CPN1: variants seen among roughly 807,000 people sequenced by gnomAD.
The protein encoded by CPN1 is carboxypeptidase N subunit 1.
CPN1 carries 37 observed loss-of-function variants against 46.4 expected under a neutral mutation model. The observed-to-expected ratio is 0.80, with a 90% CI of 0.61 to 1.05. CPN1 has a LOEUF of 1.05. CPN1 is among the 50% of genes least tolerant of loss of function. The pLI is 0.00. For synonymous variants in CPN1, 224 were observed against 235.4 expected (o/e 0.95, Z 0.44); for missense variants, 563 against 602.6 (o/e 0.93, Z 0.69).
chr10:100,057,911 G>A (rs904372822), intron 5 of CPN1, among the ~76,000 whole-genome samples: 21 of 152,202 alleles, frequency 1.4e-4, no homozygotes, highest in African/African-American at 4.1e-4. Context: ...GAACTCTGGC[G>A]AGGGCTAATC....
At chr10:100,062,370 CA>C (rs976067826) in intron 5 of CPN1, among the ~76,000 whole-genome samples, 1 of 152,128 alleles carries the variant, frequency 6.6e-6, no homozygotes. Context: ...ATGTCCATGG[CA>C]AACCCCTGCT....
chr10:100,057,208 C>T (rs1245118414), intron 5 of CPN1, 56 bp from the exon 6 acceptor site: 25 of 1,577,002 alleles, frequency 1.6e-5, no homozygotes, highest in Non-Finnish European at 1.8e-5. Context: ...CCCAATGCCC[C>T]ATCTCATCTC....
chr10:100,078,510 A>C (rs7906355), intron 1 of CPN1, among the ~76,000 whole-genome samples: 56,494 of 152,100 alleles, frequency 0.37, 10,688 homozygotes, highest in Non-Finnish European at 0.41. Context: ...AAAGTCTATT[A>C]TCCAGAGTCA....
intron 2 of CPN1, among the ~76,000 whole-genome samples, chr10:100,073,878 G>C (rs2041499666): frequency 6.6e-6 from 1 of 152,168 alleles, no homozygotes; most frequent in South Asian, 2.1e-4. Context: ...GCCTCCCAAA[G>C]TGCTGGGATT....
At chr10:100,058,544 G>T (rs1279777092) in intron 5 of CPN1, among the ~76,000 whole-genome samples, 1 of 151,958 alleles carries the variant, frequency 6.6e-6, no homozygotes, top group Non-Finnish European at 1.5e-5. Flanking sequence ...TATTAGGATG[G>T]TTATTTACAT....
At chr10:100,049,251 C>T (rs1302863329) in intron 7 of CPN1, among the ~76,000 whole-genome samples, 4 of 147,692 alleles carry the variant, frequency 2.7e-5, no homozygotes, top group African/African-American at 7.8e-5. Context: ...GCCGCTGAGC[C>T]CGTTGGCTTT....
chr10:100,042,408 T>G lies in CPN1; in HGVS notation c.*19A>C. The G allele has an allele frequency of 5.0e-6, 8 of 1,612,486 alleles. No homozygotes were observed. Among genetic ancestry groups the G allele is most frequent in the Non-Finnish European group, 6.8e-6 (8 of 1,179,894 alleles). Reference sequence around the variant, plus strand: ...GCAGGAGCAAAGCCTTTCTGAAGGGTTGCCTGGCACTGTGGGTTTCAGGCA... The same window carrying G: ...GCAGGAGCAAAGCCTTTCTGAAGGGGTGCCTGGCACTGTGGGTTTCAGGCA... On this transcript the variant is annotated 3_prime_UTR_variant, in exon 9 of 9. Coordinates refer to ENST00000370418, the MANE Select transcript of CPN1 (RefSeq NM_001308.3).
intron 5 of CPN1, among the ~76,000 whole-genome samples, chr10:100,059,716 T>G (rs1244270377): frequency 3.9e-5 from 6 of 152,130 alleles, no homozygotes. Flanking sequence ...AACTACCTTA[T>G]GTCCAACAGT....
intron 6 of CPN1, among the ~76,000 whole-genome samples, 194 bp downstream of exon 6, chr10:100,056,819 C>T (rs988831827): frequency 1.3e-5 from 2 of 151,776 alleles, no homozygotes; most frequent in Non-Finnish European, 1.5e-5. Flanking sequence ...CCCACACTGC[C>T]GGGATTACAG....
At chr10:100,051,504 G>A (rs17112509) in intron 7 of CPN1, among the ~76,000 whole-genome samples, 7,882 of 152,078 alleles carry the variant, frequency 0.052, 229 homozygotes, top group Admixed American at 0.061. Context: ...GTTTACAATG[G>A]GTTTTTTCCC....
At chr10:100,078,494 C>T (rs556605503) in intron 1 of CPN1, among the ~76,000 whole-genome samples, 1 of 152,278 alleles carries the variant, frequency 6.6e-6, no homozygotes, top group South Asian at 2.1e-4. Flanking sequence ...GCTGCCTAGC[C>T]CCTTTAAAGT....
rs1156292024 is a variant in CPN1 at position 100,079,033 on chromosome 10, A to G, written c.223+2370T>C. On this transcript the variant is annotated intron_variant, in intron 1 of 8. Transcript: ENST00000370418. ...TCATCTTTTCCTCCTCAATATCAGC[A>G]CGGCATGTGCCATCACACCCATCCT... Among the ~76,000 whole-genome samples the G allele has an allele frequency of 6.6e-5, 10 of 152,186 alleles. No homozygotes were observed. In the South Asian group the frequency reaches 2.1e-3, roughly 32 times the overall value.
chr10:100,046,526 A>G (rs1460092972), intron 8 of CPN1, among the ~76,000 whole-genome samples: 2 of 152,186 alleles, frequency 1.3e-5, no homozygotes, highest in Non-Finnish European at 2.9e-5. Context: ...TAATCTCAGC[A>G]CTTTGGGAGG....
intron 6 of CPN1, among the ~76,000 whole-genome samples, chr10:100,056,037 T>C (rs1471370907): frequency 1.3e-5 from 2 of 152,218 alleles, no homozygotes; most frequent in African/African-American, 4.8e-5. Flanking sequence ...CTGGAGCACA[T>C]AGGAATTCTA....
At chr10:100,049,623 T>G (rs934746297) in intron 7 of CPN1, among the ~76,000 whole-genome samples, 1 of 151,786 alleles carries the variant, frequency 6.6e-6, no homozygotes, top group Admixed American at 6.6e-5. Flanking sequence ...CCCAGGCTGG[T>G]CTCAAACTCC....
At position 100,053,725 on chromosome 10, in the gene CPN1, C is replaced by CA. The variant is rs11336201; in HGVS notation, c.1111+621dup. 1.1e-3 allele frequency among the ~76,000 whole-genome samples: 169 copies of CA among 149,614 alleles called. No homozygotes were observed. The South Asian group carries it at 0.013, about 11-fold the overall frequency. Reference sequence around the variant, plus strand: ...GTTATGCATTAAAAGCAAAATAAAACAAAAAAAAAATCCTACAAGTTGTGC... The same window carrying CA: ...GTTATGCATTAAAAGCAAAATAAAACAAAAAAAAAAATCCTACAAGTTGTGC... On this transcript the variant is annotated intron_variant, in intron 7 of 8. Coordinates refer to ENST00000370418, the MANE Select transcript of CPN1 (RefSeq NM_001308.3).
intron 4 of CPN1, among the ~76,000 whole-genome samples, chr10:100,064,386 A>C (rs1266793997): frequency 6.7e-6 from 1 of 148,770 alleles, no homozygotes; most frequent in Non-Finnish European, 1.5e-5. Flanking sequence ...ATTAGTATAT[A>C]ATTTTTTTTT....
intron 1 of CPN1, among the ~76,000 whole-genome samples, chr10:100,079,653 C>T (rs1250284881): frequency 1.3e-5 from 2 of 152,226 alleles, no homozygotes; most frequent in Non-Finnish European, 2.9e-5. Context: ...GAGCCTCCTC[C>T]ATGCAATATT....
chr10:100,061,806 G>C (rs1441374174), intron 5 of CPN1, among the ~76,000 whole-genome samples: 1 of 152,054 alleles, frequency 6.6e-6, no homozygotes, highest in Non-Finnish European at 1.5e-5. Flanking sequence ...ACTAAAGAAA[G>C]TAACTTTAAA....
Sources: allele counts gnomAD v4.1 joint callset (sites outside exome capture counted in the v4.1 genomes callset), GRCh38; gene constraint gnomAD v4.1.1; transcripts MANE v1.5; gene names NCBI Gene and HGNC (gene_info 2026-07-23, HGNC 2026-07-21).